The following SEMA3E variants were observed in gnomAD, a reference collection of about 807,000 sequenced individuals.
SEMA3E encodes the protein semaphorin-3E.
In SEMA3E, 49 loss-of-function variants were observed where a neutral mutation model predicts 93.6. The observed-to-expected ratio is 0.52, with a 90% CI of 0.42 to 0.66. The LOEUF (loss-of-function observed/expected upper bound fraction) is 0.66, where lower values mean the gene tolerates loss of function less well. Among genes scored for constraint, SEMA3E ranks in the 30% least tolerant of loss-of-function variants. The pLI, the probability that SEMA3E is intolerant of heterozygous loss-of-function variation, is 0.00. For missense variants in SEMA3E, 906 were observed against 964.8 expected, an observed-to-expected ratio of 0.94 and a Z score of 0.81; for synonymous variants, 363 against 330.7, an observed-to-expected ratio of 1.10 and a Z score of -1.06.
At chr7:83,566,885 C>T (rs1792172305) in intron 1 of SEMA3E, among the ~76,000 whole-genome samples, 1 of 151,990 alleles carries the variant, frequency 6.6e-6, no homozygotes, top group Non-Finnish European at 1.5e-5. Context: ...ATAAATCAAC[C>T]AAAAATCAAT....
At chr7:83,498,342 A>G (rs1790532683) in intron 1 of SEMA3E, among the ~76,000 whole-genome samples, 1 of 152,188 alleles carries the variant, frequency 6.6e-6, no homozygotes, top group Non-Finnish European at 1.5e-5. Context: ...GTTAGGAATT[A>G]TATCTGGAGT....
chr7:83,398,911 T>C (rs62458483), intron 11 of SEMA3E, among the ~76,000 whole-genome samples: 18,361 of 151,906 alleles, frequency 0.12, 1,230 homozygotes, highest in Non-Finnish European at 0.15. Flanking sequence ...GCCATTGCAC[T>C]CCAGCCTGGG....
At chr7:83,371,585 A>G (rs1434987323) in intron 16 of SEMA3E, 4 of 152,204 alleles carry the variant, frequency 2.6e-5, no homozygotes, top group Non-Finnish European at 5.9e-5. Flanking sequence ...TCTTGTGAAT[A>G]TTTAATGAAC....
intron 1 of SEMA3E, among the ~76,000 whole-genome samples, chr7:83,594,366 T>A (rs1207811955): frequency 6.6e-6 from 1 of 152,086 alleles, no homozygotes; most frequent in Admixed American, 6.6e-5. Flanking sequence ...GTGATCAGAT[T>A]AGGGATGGGA....
At chr7:83,495,631 TG>T (rs1006686522) in intron 1 of SEMA3E, among the ~76,000 whole-genome samples, 3 of 151,856 alleles carry the variant, frequency 2.0e-5, no homozygotes, top group African/African-American at 4.8e-5. Flanking sequence ...TTTAATATGT[TG>T]AAAAAAACTA....
intron 1 of SEMA3E, among the ~76,000 whole-genome samples, chr7:83,596,081 A>G (rs1302449403): frequency 1.3e-5 from 2 of 151,796 alleles, no homozygotes; most frequent in Admixed American, 6.6e-5. Context: ...CTCTTCTCTC[A>G]TTTACTTCTT....
chr7:83,615,586 C>G (rs1266682973), intron 1 of SEMA3E, among the ~76,000 whole-genome samples: 1 of 151,948 alleles, frequency 6.6e-6, no homozygotes, highest in African/African-American at 2.4e-5. Context: ...ATACATGAAA[C>G]TTTTGGGGGT....
intron 1 of SEMA3E, among the ~76,000 whole-genome samples, chr7:83,577,831 A>G (rs1341311868): frequency 6.6e-6 from 1 of 152,064 alleles, no homozygotes; most frequent in African/African-American, 2.4e-5. Flanking sequence ...GTAATTTAAT[A>G]TATTATTTTT....
At chr7:83,604,688 A>C (rs993852337) in intron 1 of SEMA3E, among the ~76,000 whole-genome samples, 14 of 151,998 alleles carry the variant, frequency 9.2e-5, no homozygotes, top group Non-Finnish European at 1.6e-4. Flanking sequence ...ACATAGGTAT[A>C]CGTGTGCCAT....
In SEMA3E at chr7:83,502,599, A is replaced by G. The variant is rs76860071; in HGVS notation, c.116-12325T>C. On this transcript the variant is annotated intron_variant, in intron 1 of 16. Transcript: ENST00000643230. ...AAGCCCTCCCAGTCTTAAGAAATAA[A>G]TAAGCCTTCCCAGTGTTAAGAAATC... Among the ~76,000 whole-genome samples the G allele has an allele frequency of 5.1e-3, 778 of 152,282 alleles. 12 individuals are homozygous for G. The highest frequency in any genetic ancestry group is 0.018 in the African/African-American group (747 of 41,540).
intron 1 of SEMA3E, among the ~76,000 whole-genome samples, chr7:83,605,765 A>G (rs758734754): frequency 3.9e-5 from 6 of 152,048 alleles, no homozygotes; most frequent in Non-Finnish European, 5.9e-5. Flanking sequence ...GTCTGTTCAT[A>G]TTCTTTGCCC....
rs190156270 is a variant in SEMA3E, at chr7:83,394,094, T to C, written c.1500+203A>G. On this transcript the variant is annotated intron_variant, in intron 13 of 16. Coordinates refer to ENST00000643230, the MANE Select transcript of SEMA3E (RefSeq NM_012431.3). ...ACACTGTACCTATAACCATTAAAAA[T>C]GTATTGTATGCTTAATATTTTGTTA... 7.9e-4 allele frequency among the ~76,000 whole-genome samples: 120 copies of C among 152,300 alleles called. 1 individual carries two copies. Among genetic ancestry groups the C allele is most frequent in the African/African-American group, 2.7e-3 (111 of 41,568 alleles).
At chr7:83,384,651 A>G (rs114517562) in intron 16 of SEMA3E, among the ~76,000 whole-genome samples, 3 of 151,906 alleles carry the variant, frequency 2.0e-5, no homozygotes, top group African/African-American at 7.2e-5. Flanking sequence ...ACATTCTTTT[A>G]TCCAGTAACT....
At chr7:83,391,589 CTTA>C (rs1187895658) in intron 14 of SEMA3E, among the ~76,000 whole-genome samples, 1 of 116,984 alleles carries the variant, frequency 8.5e-6, no homozygotes, top group Non-Finnish European at 2.0e-5. Context: ...TTACTATCCA[CTTA>C]TTATATCATT....
chr7:83,589,022 G>A (rs561494756), intron 1 of SEMA3E, among the ~76,000 whole-genome samples: 3 of 152,220 alleles, frequency 2.0e-5, no homozygotes, highest in East Asian at 1.9e-4. Flanking sequence ...AAGCTGAAGC[G>A]CAGGAATTGG....
chr7:83,620,149 A>T (rs1452694179), intron 1 of SEMA3E, among the ~76,000 whole-genome samples: 1 of 151,942 alleles, frequency 6.6e-6, no homozygotes, highest in East Asian at 1.9e-4. Context: ...GAGGGATTTT[A>T]AAATATTCAA....
At position 83,634,170 on chromosome 7, in the gene SEMA3E, G is replaced by A. The variant is rs764239661; in HGVS notation, c.115+14258C>T. The stretch of plus-strand genomic sequence containing the variant: ...ATATAAAAACTTAAGTGTCTAATAC[G>A]CATAATATTATATTCTAAACATAAC... On this transcript the variant is annotated intron_variant, in intron 1 of 16. Transcript: ENST00000643230. Among the ~76,000 whole-genome samples the A allele has an allele frequency of 4.9e-4, 75 of 151,982 alleles. 1 individual carries two copies. Among genetic ancestry groups the A allele is most frequent in the Admixed American group, 2.0e-4 (3 of 15,256 alleles).
chr7:83,499,379 C>T (rs1168255823), intron 1 of SEMA3E, among the ~76,000 whole-genome samples: 1 of 152,072 alleles, frequency 6.6e-6, no homozygotes, highest in Admixed American at 6.5e-5. Flanking sequence ...ACCTCATAAA[C>T]CATATGTAAT....
chr7:83,625,843 T>C (rs1372469756), intron 1 of SEMA3E, among the ~76,000 whole-genome samples: 4 of 152,158 alleles, frequency 2.6e-5, no homozygotes, highest in Non-Finnish European at 5.9e-5. Flanking sequence ...GCTGTGGGTT[T>C]GTCATAAACA....
Sources: gnomAD v4.1 joint callset for allele counts (sites outside exome capture counted in the v4.1 genomes callset) on GRCh38, gnomAD v4.1.1 for gene constraint, MANE v1.5 for transcripts, NCBI Gene and HGNC (gene_info 2026-07-23, HGNC 2026-07-21) for gene names.